NRXN1: variants seen among roughly 807,000 people sequenced by gnomAD.
NRXN1 encodes the protein neurexin-1.
In NRXN1, 39 loss-of-function variants were observed where a neutral mutation model predicts 150.9. The observed-to-expected ratio is 0.26, with a 90% CI of 0.20 to 0.34. The LOEUF (loss-of-function observed/expected upper bound fraction) is 0.34. Ranked by LOEUF, NRXN1 falls within the 10% of genes least tolerant of loss-of-function variation. The pLI is 1.00. For missense variants in NRXN1, 1,815 were observed against 1,949.9 expected (o/e 0.93, Z 1.30); for synonymous variants, 924 against 757.0 (o/e 1.22, Z -3.62).
intron 18 of NRXN1, among the ~76,000 whole-genome samples, chr2:50,190,508 A>G (rs1360008378): frequency 6.6e-6 from 1 of 152,150 alleles, no homozygotes; most frequent in Non-Finnish European, 1.5e-5. Context: ...TTGATAGCTT[A>G]ATGATCTTTA....
intron 17 of NRXN1, among the ~76,000 whole-genome samples, chr2:50,261,983 T>G (rs1420143997): frequency 6.6e-6 from 1 of 151,892 alleles, no homozygotes; most frequent in African/African-American, 2.4e-5. Flanking sequence ...TATGGGCATC[T>G]CCAGCTCTAT....
intron 17 of NRXN1, among the ~76,000 whole-genome samples, chr2:50,328,368 A>G (rs990041949): frequency 2.0e-5 from 3 of 152,300 alleles, no homozygotes; most frequent in Admixed American, 6.5e-5. Flanking sequence ...GGCTAGTAAC[A>G]GAAGAGATGA....
intron 2 of NRXN1, among the ~76,000 whole-genome samples, chr2:50,999,296 T>C (rs1699729600): frequency 6.6e-6 from 1 of 152,088 alleles, no homozygotes; most frequent in South Asian, 2.1e-4. Flanking sequence ...CCTAAGTTCC[T>C]ATTATGCACT....
At chr2:50,035,083 C>T (rs1164030406) in intron 21 of NRXN1, among the ~76,000 whole-genome samples, 1 of 152,102 alleles carries the variant, frequency 6.6e-6, no homozygotes, top group Non-Finnish European at 1.5e-5. Flanking sequence ...TGAGCACATT[C>T]ATTGACTGCA....
chr2:50,003,280 A>G (rs1355666824), intron 21 of NRXN1, among the ~76,000 whole-genome samples: 1 of 152,084 alleles, frequency 6.6e-6, no homozygotes, highest in Non-Finnish European at 1.5e-5. Flanking sequence ...AAGATTATAG[A>G]GCTAGTTACT....
At chr2:50,723,497 G>A (rs1251413105) in intron 5 of NRXN1, among the ~76,000 whole-genome samples, 1 of 152,212 alleles carries the variant, frequency 6.6e-6, no homozygotes, top group East Asian at 1.9e-4. Flanking sequence ...TATGTGGAAA[G>A]TCGGGATTAT....
chr2:50,797,229 A>G (rs1157013498), intron 5 of NRXN1, among the ~76,000 whole-genome samples: 1 of 152,164 alleles, frequency 6.6e-6, no homozygotes, highest in Non-Finnish European at 1.5e-5. Context: ...GTTATATGGA[A>G]GCTGAGGCTA....
intron 8 of NRXN1, among the ~76,000 whole-genome samples, chr2:50,585,505 T>G (rs113566797): frequency 2.0e-5 from 3 of 152,272 alleles, no homozygotes; most frequent in South Asian, 2.1e-4. Context: ...ATGGTCAAGA[T>G]AGTAAATTTT....
At chr2:50,960,290 GCTTT>G (rs1359673414) in intron 2 of NRXN1, among the ~76,000 whole-genome samples, 1 of 151,488 alleles carries the variant, frequency 6.6e-6, no homozygotes, top group Non-Finnish European at 1.5e-5. Context: ...CTTTTTCCCA[GCTTT>G]CTTTCTCTCC....
At chr2:50,171,724 C>T (rs920368510) in intron 18 of NRXN1, among the ~76,000 whole-genome samples, 8 of 152,026 alleles carry the variant, frequency 5.3e-5, no homozygotes, top group East Asian at 1.9e-4. Context: ...AGAAATGATC[C>T]GAGGACCACT....
chr2:50,785,860 A>C (rs1243069542), intron 5 of NRXN1, among the ~76,000 whole-genome samples: 1 of 152,076 alleles, frequency 6.6e-6, no homozygotes, highest in Non-Finnish European at 1.5e-5. Flanking sequence ...TGGATCAGCC[A>C]AACTGTTGTC....
At chr2:50,514,801 G>A (rs2105070589) in intron 12 of NRXN1, among the ~76,000 whole-genome samples, 1 of 152,210 alleles carries the variant, frequency 6.6e-6, no homozygotes, top group East Asian at 1.9e-4. Context: ...ATTCTGCATT[G>A]CATATTAAAG....
chr2:50,481,062 T>C (rs1306662331), intron 15 of NRXN1, among the ~76,000 whole-genome samples: 1 of 152,216 alleles, frequency 6.6e-6, no homozygotes, highest in Non-Finnish European at 1.5e-5. Context: ...GGGATACATG[T>C]TACAGATGAA....
intron 19 of NRXN1, among the ~76,000 whole-genome samples, chr2:50,072,943 C>G (rs947883882): frequency 6.6e-6 from 1 of 152,180 alleles, no homozygotes; most frequent in Non-Finnish European, 1.5e-5. Context: ...TCATTTTCAC[C>G]TATGAAGACA....
chr2:50,606,082 C>T (rs540916605), intron 8 of NRXN1, among the ~76,000 whole-genome samples: 32 of 151,964 alleles, frequency 2.1e-4, no homozygotes, highest in African/African-American at 6.5e-4. Context: ...AACCCCATCT[C>T]TACCAAAAAA....
At chr2:50,506,079 T>A (rs545566705) in intron 13 of NRXN1, among the ~76,000 whole-genome samples, 3 of 152,138 alleles carry the variant, frequency 2.0e-5, no homozygotes, top group African/African-American at 7.2e-5. Context: ...GAAAGCCAGA[T>A]AGATAAACGC....
intron 18 of NRXN1, among the ~76,000 whole-genome samples, chr2:50,115,102 T>C (rs1573992783): frequency 6.6e-6 from 1 of 151,512 alleles, no homozygotes; most frequent in East Asian, 1.9e-4. Flanking sequence ...ACTGTGCATG[T>C]GTAGGAGCAG....
intron 5 of NRXN1, among the ~76,000 whole-genome samples, chr2:50,624,624 C>T (rs924196807): frequency 6.6e-6 from 1 of 151,750 alleles, no homozygotes; most frequent in East Asian, 2.0e-4. Context: ...CATTTTTTAT[C>T]TCTGGATGGA....
intron 17 of NRXN1, among the ~76,000 whole-genome samples, chr2:50,444,901 A>T (rs2086268573): frequency 6.6e-6 from 1 of 152,100 alleles, no homozygotes; most frequent in Non-Finnish European, 1.5e-5. Flanking sequence ...CAAATATTGC[A>T]GTAAAATATA....
Sources: gnomAD v4.1 joint callset for allele counts (sites outside exome capture counted in the v4.1 genomes callset) on GRCh38, gnomAD v4.1.1 for gene constraint, MANE v1.5 for transcripts, NCBI Gene and HGNC (gene_info 2026-07-23, HGNC 2026-07-21) for gene names.